Variants in KCNQ1OT1 observed in about 807,000 individuals in gnomAD.
The protein encoded by KCNQ1OT1 is KCNQ1 antisense RNA 2 (non-protein coding).
At chr11:2,680,171 C>T (rs1345447415) in exon 1 of KCNQ1OT1, 6 of 386,740 alleles carry the variant, frequency 1.6e-5, no homozygotes, top group Admixed American at 9.7e-5. Context: ...GGATTACGGG[C>T]GTGAGCCAAT....
Position 2,623,246 on chromosome 11 carries a change from CTG to C in KCNQ1OT1, n.76747_76748del, listed in dbSNP as rs1475680609. 1 of 398,620 alleles carries C rather than the reference CTG, an allele frequency of 2.5e-6. No homozygotes were observed. Among genetic ancestry groups the C allele is most frequent in the Non-Finnish European group, 4.4e-6 (1 of 226,148 alleles). 24.7% of individuals were successfully genotyped at this position (398,620 alleles called of 1,614,324 possible). The stretch of plus-strand genomic sequence containing the variant: ...CATGCTTACTGTACAGCCTACAAAA[CTG>C]TGAGTCAATTAAACCTCTTTTCTCA... On this transcript the variant is annotated non_coding_transcript_exon_variant, in exon 1 of 1. Coordinates refer to ENST00000597346, the Ensembl canonical transcript of KCNQ1OT1. This position sits in a 1 kb window ranked among gnomAD's most constrained non-coding sequence, Gnocchi z 5.2.
Position 2,613,944 on chromosome 11 carries a change from C to A in KCNQ1OT1, n.86051G>T. 1 of 398,552 alleles carries A rather than the reference C, an allele frequency of 2.5e-6. No homozygotes were observed. Among genetic ancestry groups the A allele is most frequent in the South Asian group, 1.3e-4 (1 of 7,848 alleles). 24.7% of individuals were successfully genotyped at this position (398,552 alleles called of 1,614,324 possible). A position where few individuals can be genotyped will look rare whatever the true frequency, so the allele number is the denominator to read the frequency against. On this transcript the variant is annotated non_coding_transcript_exon_variant, in exon 1 of 1. Coordinates refer to ENST00000597346, the Ensembl canonical transcript of KCNQ1OT1. This position sits in a 1 kb window ranked among gnomAD's most constrained non-coding sequence, Gnocchi z 4.8. Reference sequence around the variant, plus strand: ...ATGCCCTTTTGAACTTTGCTTTTCTCACCTAACAACATCTCCTAGAAATCA... The same window carrying A: ...ATGCCCTTTTGAACTTTGCTTTTCTAACCTAACAACATCTCCTAGAAATCA...
At chr11:2,694,649 A>T (rs1306593609) in exon 1 of KCNQ1OT1, 1 of 398,490 alleles carries the variant, frequency 2.5e-6, no homozygotes, top group Non-Finnish European at 4.4e-6. Context: ...AATCTGTGAC[A>T]CACCCACCAT....
At chr11:2,681,482 G>T in exon 1 of KCNQ1OT1, 1 of 398,548 alleles carries the variant, frequency 2.5e-6, no homozygotes, top group Non-Finnish European at 4.4e-6. Flanking sequence ...CCCTAGATGA[G>T]AAATGGGACT....
exon 1 of KCNQ1OT1, chr11:2,640,010 C>G (rs187540971): frequency 2.5e-5 from 4 of 158,150 alleles, no homozygotes; most frequent in African/African-American, 9.6e-5. Flanking sequence ...CCGAGCCAGG[C>G]GCGGGATATA....
At chr11:2,655,908 C>T (rs1244023291) in exon 1 of KCNQ1OT1, 3 of 398,580 alleles carry the variant, frequency 7.5e-6, no homozygotes, top group African/African-American at 4.1e-5. Flanking sequence ...CCCCATATGC[C>T]GTTCCCAGGA....
exon 1 of KCNQ1OT1, chr11:2,630,005 AG>A: frequency 2.5e-6 from 1 of 397,100 alleles, no homozygotes; most frequent in Non-Finnish European, 4.4e-6. Flanking sequence ...CTCATCTTAG[AG>A]GAGAGGCATT....
At chr11:2,694,630 T>C (rs1211524186) in exon 1 of KCNQ1OT1, 1 of 398,470 alleles carries the variant, frequency 2.5e-6, no homozygotes, top group African/African-American at 2.1e-5. Flanking sequence ...AATGAAACCA[T>C]TCAACAGAAA....
At chr11:2,619,420 T>C in exon 1 of KCNQ1OT1, 1 of 398,594 alleles carries the variant, frequency 2.5e-6, no homozygotes, top group Non-Finnish European at 4.4e-6. Context: ...TGTGTGTCAA[T>C]TGAGATGATC....
At chr11:2,692,584 C>T (rs1212988293) in exon 1 of KCNQ1OT1, 1 of 398,774 alleles carries the variant, frequency 2.5e-6, no homozygotes, top group Non-Finnish European at 4.4e-6. Context: ...TTTTTCAGAC[C>T]CCAGGCTAGT....
rs566672353 is a variant in KCNQ1OT1, at chr11:2,640,294, G to A, written n.59701C>T. 59 of 398,140 alleles carry A rather than the reference G, an allele frequency of 1.5e-4. No individual in the cohort carries two copies. The highest frequency in any genetic ancestry group is 2.0e-4 in the Non-Finnish European group (46 of 226,412). 24.7% of individuals were successfully genotyped at this position (398,140 alleles called of 1,614,324 possible). A position where few individuals can be genotyped will look rare whatever the true frequency, so the allele number is the denominator to read the frequency against. ...AATGCAGAAATCACCCATCTTCTGCGTCACTCACGCTGGGAGCTATAGACT... is the reference window on the plus strand; with the variant it reads ...AATGCAGAAATCACCCATCTTCTGCATCACTCACGCTGGGAGCTATAGACT... On this transcript the variant is annotated non_coding_transcript_exon_variant, in exon 1 of 1. Transcript: ENST00000597346.
Position 2,695,401 on chromosome 11 carries a change from A to G in KCNQ1OT1, n.4594T>C. On this transcript the variant is annotated non_coding_transcript_exon_variant, in exon 1 of 1. Coordinates refer to ENST00000597346, the Ensembl canonical transcript of KCNQ1OT1. This position sits in a 1 kb window ranked among gnomAD's most constrained non-coding sequence, Gnocchi z 5.2. ...TGGGTGGTGTGTAATTTTAATTTAA[A>G]TACACAGTCATGTACTGAGGCCCTC... The G allele has an allele frequency of 2.5e-6, 1 of 398,592 alleles. No individual in the cohort carries two copies. Among genetic ancestry groups the G allele is most frequent in the Non-Finnish European group, 4.4e-6 (1 of 226,072 alleles). The allele number at this position is 398,592 out of a possible 1,614,324, so 24.7% of individuals were successfully genotyped here. A position where few individuals can be genotyped will look rare whatever the true frequency, so the allele number is the denominator to read the frequency against.
chr11:2,645,868 T>C lies in KCNQ1OT1; in HGVS notation n.54127A>G. The stretch of plus-strand genomic sequence containing the variant: ...AGGGGATGTGTGAATTGCCTGAGGA[T>C]TCAGGGTGATCTCCCTCTCTGGGAG... On this transcript the variant is annotated non_coding_transcript_exon_variant, in exon 1 of 1. Coordinates refer to ENST00000597346, the Ensembl canonical transcript of KCNQ1OT1. This position sits in a 1 kb window ranked among gnomAD's most constrained non-coding sequence, Gnocchi z 5.8. 1 of 398,630 alleles carries C rather than the reference T, an allele frequency of 2.5e-6. No homozygotes were observed. Among genetic ancestry groups the C allele is most frequent in the Non-Finnish European group, 4.4e-6 (1 of 226,084 alleles). 24.7% of individuals were successfully genotyped at this position (398,630 alleles called of 1,614,324 possible). A position where few individuals can be genotyped will look rare whatever the true frequency, so the allele number is the denominator to read the frequency against.
exon 1 of KCNQ1OT1, chr11:2,641,457 G>A: frequency 7.5e-6 from 3 of 397,886 alleles, no homozygotes; most frequent in Non-Finnish European, 8.9e-6. Flanking sequence ...ATCTATCCAT[G>A]TCTTTTGCTC....
At chr11:2,614,955 G>A (rs1188715687) in exon 1 of KCNQ1OT1, 2 of 398,224 alleles carry the variant, frequency 5.0e-6, no homozygotes, top group Non-Finnish European at 8.9e-6. Flanking sequence ...TTTGATAAGG[G>A]TTGCATTGAA....
chr11:2,651,584 C>G lies in KCNQ1OT1; in HGVS notation n.48411G>C, dbSNP rs1257690041. On this transcript the variant is annotated non_coding_transcript_exon_variant, in exon 1 of 1. Transcript: ENST00000597346. The surrounding 1 kb of genome is among the most constrained non-coding windows in gnomAD (Gnocchi z 6.1). ...GTTCTTTACCTCCATGTCTCCAGTG[C>G]CTGCCACATAGCAGGTCCTCCAAGA... 2 of 398,524 alleles carry G rather than the reference C, an allele frequency of 5.0e-6. No individual in the cohort carries two copies. The highest frequency in any genetic ancestry group is 1.3e-4 in the South Asian group (1 of 7,854). The allele number at this position is 398,524 out of a possible 1,614,324, so 24.7% of individuals were successfully genotyped here. A position where few individuals can be genotyped will look rare whatever the true frequency, so the allele number is the denominator to read the frequency against.
chr11:2,647,490 G>C lies in KCNQ1OT1; in HGVS notation n.52505C>G, dbSNP rs1157951523. ...TGTTATTGTGTCCTTATCTGGTTTTGGTATCAAGATACTGCTTGCCTCACA... is the reference window on the plus strand; with the variant it reads ...TGTTATTGTGTCCTTATCTGGTTTTCGTATCAAGATACTGCTTGCCTCACA... On this transcript the variant is annotated non_coding_transcript_exon_variant, in exon 1 of 1. Coordinates refer to ENST00000597346, the Ensembl canonical transcript of KCNQ1OT1. This position sits in a 1 kb window ranked among gnomAD's most constrained non-coding sequence, Gnocchi z 4.0. The C allele has an allele frequency of 2.5e-6, 1 of 398,256 alleles. No individual in the cohort carries two copies. The highest frequency in any genetic ancestry group is 4.4e-6 in the Non-Finnish European group (1 of 226,020). The allele number at this position is 398,256 out of a possible 1,614,324, so 24.7% of individuals were successfully genotyped here.
exon 1 of KCNQ1OT1, chr11:2,696,358 C>G (rs939993864): frequency 7.5e-6 from 3 of 398,520 alleles, no homozygotes; most frequent in Non-Finnish European, 1.3e-5. Context: ...ATCTTCTGAA[C>G]AGTCCCCACT....
Position 2,652,977 on chromosome 11 carries a change from CTG to C in KCNQ1OT1, n.47016_47017del, listed in dbSNP as rs1429741818. ...TCAGGATTCCGGAAGTCATCTTTGA[CTG>C]TGTCACATCACTGTCATGCTTGAGG... is the stretch of plus-strand genomic sequence containing the variant. On this transcript the variant is annotated non_coding_transcript_exon_variant, in exon 1 of 1. Coordinates refer to ENST00000597346, the Ensembl canonical transcript of KCNQ1OT1. This position sits in a 1 kb window ranked among gnomAD's most constrained non-coding sequence, Gnocchi z 5.9. 2 of 398,702 alleles carry C rather than the reference CTG, an allele frequency of 5.0e-6. No individual in the cohort carries two copies. The highest frequency in any genetic ancestry group is 4.4e-6 in the Non-Finnish European group (1 of 226,090). 24.7% of individuals were successfully genotyped at this position (398,702 alleles called of 1,614,324 possible).
Sources: allele counts gnomAD v4.1 joint callset, GRCh38; gene constraint gnomAD v4.1.1; non-coding constraint Gnocchi (gnomAD v3.1); transcripts MANE v1.5; gene names NCBI Gene and HGNC (gene_info 2026-07-23, HGNC 2026-07-21).